The following FER1L5 variants were observed in gnomAD, a reference collection of about 807,000 sequenced individuals.
FER1L5 encodes the protein fer-1-like protein 5.
A neutral mutation model predicts 279.9 loss-of-function variants in FER1L5; 187 were observed. That is an observed-to-expected ratio of 0.67 (90% CI 0.59 to 0.75). The LOEUF is 0.75. Among genes scored for constraint, FER1L5 ranks in the 30% least tolerant of loss-of-function variants. The pLI is 0.00. For synonymous variants in FER1L5, 921 were observed against 989.7 expected, an observed-to-expected ratio of 0.93 and a Z score of 1.30; for missense variants, 2,091 against 2,594.4, an observed-to-expected ratio of 0.81 and a Z score of 4.21.
At chr2:96,699,200 C>A in intron 42 of FER1L5, 64 bp downstream of exon 42, 2 of 1,504,710 alleles carry the variant, frequency 1.3e-6, no homozygotes, top group East Asian at 2.5e-5. Flanking sequence ...GGAAGTCGGC[C>A]GGAGAAGGCA....
intron 19 of FER1L5, among the ~76,000 whole-genome samples, chr2:96,677,516 A>G (rs1257780701): frequency 6.6e-6 from 1 of 152,112 alleles, no homozygotes; most frequent in Non-Finnish European, 1.5e-5. Flanking sequence ...TGTACCATCC[A>G]TCATTTGTTA....
intron 24 of FER1L5, chr2:96,688,951 C>G (rs1441634928): frequency 4.9e-6 from 2 of 405,748 alleles, no homozygotes; most frequent in Admixed American, 8.9e-5. Flanking sequence ...TCTGTGCCTC[C>G]AAGCACTACA....
intron 9 of FER1L5, among the ~76,000 whole-genome samples, chr2:96,656,132 C>T (rs1302145265): frequency 7.2e-5 from 11 of 152,116 alleles, no homozygotes; most frequent in African/African-American, 1.9e-4. Flanking sequence ...TCGCCTTCAC[C>T]GCTGGATTAT....
At chr2:96,650,107 A>G (rs1321668364) in intron 5 of FER1L5, 73 bp from the exon 6 acceptor site, 1 of 1,181,106 alleles carries the variant, frequency 8.5e-7, no homozygotes, top group Admixed American at 2.0e-5. Flanking sequence ...GGACAGAATG[A>G]TGGAATGGGG....
chr2:96,694,068 C>T lies in FER1L5; in HGVS notation c.3632C>T (p.Thr1211Ile). The T allele has an allele frequency of 6.5e-7, 1 of 1,540,954 alleles. No individual in the cohort carries two copies. The highest frequency in any genetic ancestry group is 8.7e-7 in the Non-Finnish European group (1 of 1,146,602). ...ILASCELILQ[T>I]EKLGEKQLPI... The stretch of plus-strand genomic sequence containing the variant: ...GCATCCTGTGAGCTGATCCTCCAGA[C>T]TGAGGTATTGGGAGAGAGGGCCTGG... Residue 1211 changes from threonine (T) to isoleucine (I), a missense_variant, in exon 33 of 53, where the codon ACT becomes ATT. Thr to Ile is a moderately conservative substitution (Grantham distance 89). Transcript: ENST00000624922. This position sits in a 1 kb window ranked among gnomAD's most constrained non-coding sequence, Gnocchi z 4.6.
At chr2:96,688,163 C>T (rs1454938247) in intron 24 of FER1L5, among the ~76,000 whole-genome samples, 2 of 152,192 alleles carry the variant, frequency 1.3e-5, no homozygotes, top group South Asian at 2.1e-4. Context: ...AAAGCAATCT[C>T]GGACACTGCC....
At chr2:96,671,343 CAG>C (rs1030338096) in intron 18 of FER1L5, among the ~76,000 whole-genome samples, 1 of 152,034 alleles carries the variant, frequency 6.6e-6, no homozygotes, top group African/African-American at 2.4e-5. Flanking sequence ...GCCTTGCTGG[CAG>C]AGAGCTAGAG....
chr2:96,660,274 G>T lies in FER1L5; in HGVS notation c.748-67G>T. On this transcript the variant is annotated intron_variant, in intron 9 of 52. Transcript: ENST00000624922. ...CCCCAACAGCTAGCAGTTGGGTCAG[G>T]TTAGTTGGTATTACAAATCTTGGCT... 3 of 1,528,438 alleles carry T rather than the reference G, an allele frequency of 2.0e-6. No homozygotes were observed. The South Asian group carries it at 3.6e-5, about 18-fold the overall frequency. The allele number at this position is 1,528,438 out of a possible 1,614,324, so 94.7% of individuals were successfully genotyped here.
intron 1 of FER1L5, among the ~76,000 whole-genome samples, chr2:96,644,491 A>C (rs2075032709): frequency 6.6e-6 from 1 of 151,990 alleles, no homozygotes; most frequent in Non-Finnish European, 1.5e-5. Flanking sequence ...GAAAGAAAGA[A>C]AGAGAGAAAG....
In FER1L5 at chr2:96,663,422, G is replaced by A. The variant is rs1210079233; in HGVS notation, c.1072-17G>A. The A allele has an allele frequency of 3.9e-6, 6 of 1,551,442 alleles. No individual in the cohort carries two copies. The highest frequency in any genetic ancestry group is 1.7e-6 in the Non-Finnish European group (2 of 1,146,882). On this transcript the variant is annotated splice_polypyrimidine_tract_variant and intron_variant, in intron 13 of 52. Coordinates refer to ENST00000624922, the MANE Select transcript of FER1L5 (RefSeq NM_001293083.2). ...GAGGGGGCAGGCTGGCACCAACACT[G>A]CTTTGGGACATTCCAGCTCAGGACA...
At chr2:96,679,133 T>C (rs928276328) in intron 19 of FER1L5, among the ~76,000 whole-genome samples, 1 of 151,728 alleles carries the variant, frequency 6.6e-6, no homozygotes, top group African/African-American at 2.4e-5. Context: ...GGCAGATCAC[T>C]TGAGCCCAGG....
chr2:96,702,583 T>C lies in FER1L5; in HGVS notation c.5256-17T>C. On this transcript the variant is annotated splice_polypyrimidine_tract_variant and intron_variant, in intron 47 of 52. Transcript: ENST00000624922. This position sits in a 1 kb window ranked among gnomAD's most constrained non-coding sequence, Gnocchi z 4.0. ...GCCAATGCACATGAGCCACAGGTGATAGGACTCTGGCCCCAGGTGGTTATA... is the reference window on the plus strand; with the variant it reads ...GCCAATGCACATGAGCCACAGGTGACAGGACTCTGGCCCCAGGTGGTTATA... 7 of 1,559,568 alleles carry C rather than the reference T, an allele frequency of 4.5e-6. No homozygotes were observed. The highest frequency in any genetic ancestry group is 2.4e-5 in the East Asian group (1 of 41,454).
intron 7 of FER1L5, chr2:96,652,743 G>A (rs919327107): frequency 2.0e-5 from 3 of 152,738 alleles, no homozygotes; most frequent in Non-Finnish European, 4.4e-5. Flanking sequence ...TTAAGCAGAG[G>A]AGTGACAGGC....
At chr2:96,659,749 C>T (rs550700093) in intron 9 of FER1L5, among the ~76,000 whole-genome samples, 86 of 151,886 alleles carry the variant, frequency 5.7e-4, no homozygotes, top group African/African-American at 2.0e-3. Context: ...CCTCAGCCTC[C>T]CAAAGTGCTG....
rs1282138482 is a variant in FER1L5, at chr2:96,694,687, C to CT, written c.3741+224dup. 1 of 426,294 alleles carries CT rather than the reference C, an allele frequency of 2.3e-6. No homozygotes were observed. The highest frequency in any genetic ancestry group is 4.1e-6 in the Non-Finnish European group (1 of 242,150). 26.4% of individuals were successfully genotyped at this position (426,294 alleles called of 1,614,324 possible). ...TCTGCAGTGAGGAGTAGGCAAAGGG[C>CT]TGTAGCATGCATGATCACTTGTGGG... On this transcript the variant is annotated intron_variant, in intron 34 of 52. Transcript: ENST00000624922. This position sits in a 1 kb window ranked among gnomAD's most constrained non-coding sequence, Gnocchi z 4.6.
At chr2:96,646,782 T>C (rs2075149725) in intron 2 of FER1L5, among the ~76,000 whole-genome samples, 1 of 152,220 alleles carries the variant, frequency 6.6e-6, no homozygotes, top group Non-Finnish European at 1.5e-5. Context: ...CCCTCTCATC[T>C]GCCATCACTC....
chr2:96,647,010 A>C, intron 2 of FER1L5, 54 bp from the exon 3 acceptor site: 1 of 1,521,958 alleles, frequency 6.6e-7, no homozygotes, highest in Non-Finnish European at 8.9e-7. Flanking sequence ...TTTCCTAGAA[A>C]CATGGGATGG....
chr2:96,674,695 A>G (rs1388930096), intron 19 of FER1L5, among the ~76,000 whole-genome samples: 1 of 152,146 alleles, frequency 6.6e-6, no homozygotes, highest in African/African-American at 2.4e-5. Flanking sequence ...AAGAAGAATA[A>G]TAAAATGAGG....
At chr2:96,659,379 T>TTCTG (rs2075796575) in intron 9 of FER1L5, among the ~76,000 whole-genome samples, 2 of 11,064 alleles carry the variant, frequency 1.8e-4, no homozygotes, top group Non-Finnish European at 2.8e-4. Context: ...CTTTCTTTCT[T>TTCTG]TCTTTCTTTC....
Sources: gnomAD v4.1 joint callset for allele counts (sites outside exome capture counted in the v4.1 genomes callset) on GRCh38, gnomAD v4.1.1 for gene constraint, Gnocchi (gnomAD v3.1) non-coding constraint, MANE v1.5 for transcripts, NCBI Gene and HGNC (gene_info 2026-07-23, HGNC 2026-07-21) for gene names.